Variants in ZEB1 observed in about 807,000 individuals in gnomAD.
The protein encoded by ZEB1 is zinc finger E-box-binding homeobox 1.
ZEB1 carries 21 observed loss-of-function variants against 84.9 expected under a neutral mutation model. The observed-to-expected ratio is 0.25, with a 90% confidence interval of 0.18 to 0.36. The LOEUF is 0.36. Among genes scored for constraint, ZEB1 ranks in the 10% least tolerant of loss-of-function variants. The pLI is 1.00. For synonymous variants in ZEB1, 420 were observed against 471.1 expected, an observed-to-expected ratio of 0.89 and a Z score of 1.41; for missense variants, 1,104 against 1,330.2, an observed-to-expected ratio of 0.83 and a Z score of 2.65.
chr10:31,394,778 G>A (rs1019425194), intron 1 of ZEB1, among the ~76,000 whole-genome samples: 1 of 152,228 alleles, frequency 6.6e-6, no homozygotes, highest in Non-Finnish European at 1.5e-5. Flanking sequence ...TGAGATTGCT[G>A]AATCTGCATC....
intron 2 of ZEB1, among the ~76,000 whole-genome samples, chr10:31,481,087 G>A (rs911879140): frequency 2.0e-5 from 3 of 151,960 alleles, no homozygotes; most frequent in African/African-American, 4.8e-5. Flanking sequence ...GATTTGGGTT[G>A]TTCTGAAACT....
intron 1 of ZEB1, among the ~76,000 whole-genome samples, chr10:31,445,452 G>C (rs1039640924): frequency 2.0e-5 from 3 of 146,804 alleles, no homozygotes; most frequent in Non-Finnish European, 4.5e-5. Flanking sequence ...CCAACACTAT[G>C]TTGAATAGGA....
chr10:31,435,670 A>T (rs977543848), intron 1 of ZEB1, among the ~76,000 whole-genome samples: 1 of 152,196 alleles, frequency 6.6e-6, no homozygotes, highest in Admixed American at 6.5e-5. Context: ...CTTGCCATTT[A>T]CAAAGAACAA....
chr10:31,521,993 A>C, intron 7 of ZEB1, 57 bp downstream of exon 7: 2 of 1,610,806 alleles, frequency 1.2e-6, no homozygotes, highest in African/African-American at 1.3e-5. Flanking sequence ...GACTAATTTC[A>C]ATTAACTTTG....
intron 2 of ZEB1, among the ~76,000 whole-genome samples, chr10:31,477,140 A>T (rs749685305): frequency 6.8e-4 from 103 of 152,050 alleles, no homozygotes; most frequent in Non-Finnish European, 4.4e-4. Context: ...CACTGATGAC[A>T]TGCCCCCATA....
chr10:31,511,322 G>A (rs2069961189), intron 5 of ZEB1, among the ~76,000 whole-genome samples: 1 of 152,096 alleles, frequency 6.6e-6, no homozygotes, highest in Admixed American at 6.5e-5. Flanking sequence ...CTCAGTATAA[G>A]CTACGTGGTT....
chr10:31,526,063 A>G lies in ZEB1; in HGVS notation c.2786-609A>G, dbSNP rs533674259. On this transcript the variant is annotated intron_variant, in intron 8 of 8. Transcript: ENST00000424869. ...CTGGGCAGCAACACTCCTGTAGCCC[A>G]TGCGTTCTCAGGAGGGGCAATATTG... is the stretch of plus-strand genomic sequence containing the variant. Among the ~76,000 whole-genome samples, 9 of 152,320 alleles carry G rather than the reference A, an allele frequency of 5.9e-5. No homozygotes were observed. In the East Asian group the frequency reaches 1.5e-3, roughly 26 times the overall value.
rs1589874962 is a variant in ZEB1, at chr10:31,319,298, T to A, written c.58+6T>A. The A allele has an allele frequency of 6.5e-7, 1 of 1,535,818 alleles. No homozygotes were observed. The highest frequency in any genetic ancestry group is 1.8e-4 in the Middle Eastern group (1 of 5,542). On this transcript the variant is annotated splice_donor_region_variant and intron_variant, in intron 1 of 8. Transcript: ENST00000424869. ...GAACCCGCGGCGCAATAACGGTGAG[T>A]GGCGGAGGGGACCGGGGAGCGGCGG... is the stretch of plus-strand genomic sequence containing the variant.
Position 31,362,435 on chromosome 10 carries a change from G to A in ZEB1, c.58+43143G>A, listed in dbSNP as rs1456693261. ...GCCGGGCAGAGGCACTCCTCGCTTCGCAGACGGGACGGTGGCTGGGCAGAG... is the reference window on the plus strand; with the variant it reads ...GCCGGGCAGAGGCACTCCTCGCTTCACAGACGGGACGGTGGCTGGGCAGAG... On this transcript the variant is annotated intron_variant, in intron 1 of 8. Coordinates refer to ENST00000424869, the MANE Select transcript of ZEB1 (RefSeq NM_001174096.2). Among the ~76,000 whole-genome samples the A allele has an allele frequency of 8.9e-5, 11 of 123,060 alleles. 1 individual carries two copies. The highest frequency in any genetic ancestry group is 2.5e-4 in the African/African-American group (8 of 31,616). The allele number at this position is 123,060 out of a possible 152,430, so 80.7% of individuals were successfully genotyped here.
chr10:31,454,213 T>C (rs1419550027), intron 1 of ZEB1, among the ~76,000 whole-genome samples: 1 of 152,184 alleles, frequency 6.6e-6, no homozygotes, highest in Non-Finnish European at 1.5e-5. Context: ...TCAACACCCC[T>C]TCATGCTAGA....
In ZEB1 at chr10:31,446,285, C is replaced by T. The variant is rs1045954065; in HGVS notation, c.59-14752C>T. Among the ~76,000 whole-genome samples, 131 of 151,930 alleles carry T rather than the reference C, an allele frequency of 8.6e-4. 1 individual carries two copies. Among genetic ancestry groups the T allele is most frequent in the Admixed American group, 1.6e-3 (24 of 15,244 alleles). On this transcript the variant is annotated intron_variant, in intron 1 of 8. Transcript: ENST00000424869. Reference sequence around the variant, plus strand: ...ATATCCCCTTTATCATTTTTTATTGCGTCTATTTGATTCTTCTCTCTTTTT... The same window carrying T: ...ATATCCCCTTTATCATTTTTTATTGTGTCTATTTGATTCTTCTCTCTTTTT...
rs1246565454 is a variant in ZEB1, at chr10:31,527,575, A to T, written c.*311A>T. Reference sequence around the variant, plus strand: ...CCTTAATGACTCAGAGAGCAACAATACAAGAGGTTAAAGGAAGCTGATTAA... The same window carrying T: ...CCTTAATGACTCAGAGAGCAACAATTCAAGAGGTTAAAGGAAGCTGATTAA... On this transcript the variant is annotated 3_prime_UTR_variant, in exon 9 of 9. Coordinates refer to ENST00000424869, the MANE Select transcript of ZEB1 (RefSeq NM_001174096.2). 5.7e-6 allele frequency: 2 copies of T among 347,840 alleles called. No individual in the cohort carries two copies. Among genetic ancestry groups the T allele is most frequent in the East Asian group, 1.2e-4 (2 of 16,910 alleles). 21.5% of individuals were successfully genotyped at this position (347,840 alleles called of 1,614,324 possible).
chr10:31,381,563 G>A (rs1221449452), intron 1 of ZEB1, among the ~76,000 whole-genome samples: 2 of 152,106 alleles, frequency 1.3e-5, no homozygotes, highest in Non-Finnish European at 2.9e-5. Context: ...AATTTCTAGT[G>A]ATTTATTTTA....
chr10:31,461,362 T>C (rs2061794075), intron 2 of ZEB1, 125 bp downstream of exon 2: 1 of 988,946 alleles, frequency 1.0e-6, no homozygotes, highest in South Asian at 1.5e-5. Context: ...TCAATAAATA[T>C]TAGGTGTCCT....
chr10:31,513,278 A>G (rs866990897), intron 5 of ZEB1, among the ~76,000 whole-genome samples: 3 of 152,304 alleles, frequency 2.0e-5, no homozygotes, highest in Admixed American at 6.5e-5. Flanking sequence ...AGGGTAATCA[A>G]GAATAACTCC....
chr10:31,346,881 TTAAGA>T (rs1452167427), intron 1 of ZEB1, among the ~76,000 whole-genome samples: 2 of 152,142 alleles, frequency 1.3e-5, no homozygotes, highest in Non-Finnish European at 2.9e-5. Flanking sequence ...TTCCTTGGGG[TTAAGA>T]TAAGACAAGA....
At chr10:31,413,304 A>G (rs1325360678) in intron 1 of ZEB1, among the ~76,000 whole-genome samples, 2 of 152,230 alleles carry the variant, frequency 1.3e-5, no homozygotes, top group Non-Finnish European at 2.9e-5. Context: ...CTTCTTAGGT[A>G]ATAAGCCCTT....
Position 31,527,462 on chromosome 10 carries a change from C to G in ZEB1, c.*198C>G. ...ACACACACACACACACAAAATAAAT[C>G]CGGGTGTGCCTGAACCTCAGACCTA... On this transcript the variant is annotated 3_prime_UTR_variant, in exon 9 of 9. Coordinates refer to ENST00000424869, the MANE Select transcript of ZEB1 (RefSeq NM_001174096.2). 1.4e-6 allele frequency: 1 copy of G among 691,354 alleles called. No homozygotes were observed. The highest frequency in any genetic ancestry group is 2.3e-6 in the Non-Finnish European group (1 of 439,328). The allele number at this position is 691,354 out of a possible 1,614,324, so 42.8% of individuals were successfully genotyped here.
At chr10:31,506,812 T>G (rs1034041400) in intron 4 of ZEB1, among the ~76,000 whole-genome samples, 1 of 152,182 alleles carries the variant, frequency 6.6e-6, no homozygotes, top group Non-Finnish European at 1.5e-5. Flanking sequence ...CTGGTTGTTT[T>G]GTGTATCATT....
Sources: gnomAD v4.1 joint callset for allele counts (sites outside exome capture counted in the v4.1 genomes callset) on GRCh38, gnomAD v4.1.1 for gene constraint, MANE v1.5 for transcripts, NCBI Gene and HGNC (gene_info 2026-07-23, HGNC 2026-07-21) for gene names.